Variants in SERBP1 observed in about 807,000 individuals in gnomAD.
SERBP1 encodes SERPINE1 mRNA binding protein 1, also known as SERPINE1 mRNA-binding protein 1.
In SERBP1, 6 loss-of-function variants were observed where a neutral mutation model predicts 50.2. The observed-to-expected ratio is 0.12, with a 90% CI of 0.07 to 0.24. The LOEUF is 0.24. Among genes scored for constraint, SERBP1 ranks in the 10% least tolerant of loss-of-function variants. The pLI is 1.00. For synonymous variants in SERBP1, 168 were observed against 182.8 expected, an observed-to-expected ratio of 0.92 and a Z score of 0.65; for missense variants, 346 against 524.9, an observed-to-expected ratio of 0.66 and a Z score of 3.33.
Position 67,425,146 on chromosome 1 carries a change from C to A in SERBP1, c.542G>T (p.Arg181Leu), listed in dbSNP as rs753926167. The A allele has an allele frequency of 1.6e-5, 26 of 1,611,690 alleles. No homozygotes were observed. The highest frequency in any genetic ancestry group is 1.9e-5 in the Non-Finnish European group (23 of 1,179,698). Residue 181 changes from arginine to leucine, a missense_variant, in exon 3 of 8, where the codon CGA becomes CTA. Around this residue, in one of 5 missense-constraint regions of SERBP1, gnomAD observed 257 missense variants for 331.2 expected, o/e 0.78. Transcript: ENST00000361219. ...GRGGRGRGMG[R>L]GDGFDSRGKR... ...GCCACGAGAATCAAATCCATCTCCTCGGCCCATTCCACGTCCACGGCCCCC... is the reference window on the plus strand; with the variant it reads ...GCCACGAGAATCAAATCCATCTCCTAGGCCCATTCCACGTCCACGGCCCCC...
intron 5 of SERBP1, 30 bp from the exon 6 acceptor site, chr1:67,420,216 G>C: frequency 6.7e-7 from 1 of 1,498,176 alleles, no homozygotes; most frequent in South Asian, 1.2e-5. Flanking sequence ...TTTTATACCT[G>C]GTAGAGAGCT....
intron 1 of SERBP1, among the ~76,000 whole-genome samples, chr1:67,427,694 C>T (rs570316827): frequency 6.6e-6 from 1 of 152,294 alleles, no homozygotes; most frequent in African/African-American, 2.4e-5. Context: ...GCCAAACACA[C>T]CCAAGTGAAC....
rs184566185 is a variant in SERBP1, at chr1:67,423,694, A to G, written c.773+506T>C. On this transcript the variant is annotated intron_variant, in intron 5 of 7. Transcript: ENST00000361219. Reference sequence around the variant, plus strand: ...CATTTAAAAACAGGCCAGTAATGCTATGTTCCAAATTCTACATTGGAAATA... The same window carrying G: ...CATTTAAAAACAGGCCAGTAATGCTGTGTTCCAAATTCTACATTGGAAATA... 2.6e-3 allele frequency among the ~76,000 whole-genome samples: 389 copies of G among 152,332 alleles called. 1 individual carries two copies. The highest frequency in any genetic ancestry group is 9.0e-3 in the African/African-American group (375 of 41,584).
At chr1:67,420,230 A>G (rs762814472) in intron 5 of SERBP1, 44 bp from the exon 6 acceptor site, 1 of 1,374,024 alleles carries the variant, frequency 7.3e-7, no homozygotes, top group Admixed American at 2.3e-5. Context: ...GAGAGCTGAT[A>G]TTACATAAAA....
At chr1:67,415,884 C>G (rs1448668279) in intron 6 of SERBP1, among the ~76,000 whole-genome samples, 1 of 152,100 alleles carries the variant, frequency 6.6e-6, no homozygotes, top group Non-Finnish European at 1.5e-5. Flanking sequence ...AATACACAAC[C>G]ACTACGTTTT....
intron 1 of SERBP1, among the ~76,000 whole-genome samples, chr1:67,427,076 T>C (rs950771034): frequency 1.3e-5 from 2 of 152,184 alleles, no homozygotes; most frequent in Non-Finnish European, 2.9e-5. Flanking sequence ...AGGAAACAGT[T>C]ACTTATTATG....
In SERBP1 at chr1:67,424,975, GAACT is replaced by G; in HGVS notation, c.606-2_607del. ...CTTCAGGCCACTGTAATGTGAAAAA[GAACT>G]AACAAAACTGAGTTAACATAATACT... On this transcript the variant is annotated splice_acceptor_variant and coding_sequence_variant, in exon 4 of 8. Coordinates refer to ENST00000361219, the MANE Select transcript of SERBP1 (RefSeq NM_001018069.2). LOFTEE classifies it high-confidence loss of function. The G allele has an allele frequency of 1.2e-6, 2 of 1,612,762 alleles. No individual in the cohort carries two copies. The highest frequency in any genetic ancestry group is 1.7e-6 in the Non-Finnish European group (2 of 1,179,750).
Position 67,430,122 on chromosome 1 carries a change from T to G in SERBP1, c.179A>C (p.Gln60Pro), listed in dbSNP as rs1185529043. The part of the protein sequence containing the change: ...GAKSAAQAAA[Q>P]TNSNAAGKQL... ...TTTGCCTGCCGCGTTGGAGTTGGTC[T>G]GGGCCGCGGCCTGAGCTGCGCTCTT... The change falls in exon 1 of 8, where the codon CAG (glutamine) becomes CCG (proline). Residue 60 changes from glutamine (Q) to proline (P), a missense_variant. Physicochemically the swap from Gln to Pro is moderately conservative, Grantham distance 76. This residue lies in a region of SERBP1 where 257 missense variants were observed against 331.2 expected (regional missense o/e 0.78). Transcript: ENST00000361219. 6.2e-7 allele frequency: 1 copy of G among 1,612,104 alleles called. No individual in the cohort carries two copies. The highest frequency in any genetic ancestry group is 1.7e-5 in the Admixed American group (1 of 60,024).
rs1666860785 is a variant in SERBP1 at position 67,412,030 on chromosome 1, G to C, written c.*1177C>G. On this transcript the variant is annotated 3_prime_UTR_variant, in exon 8 of 8. Coordinates refer to ENST00000361219, the MANE Select transcript of SERBP1 (RefSeq NM_001018069.2). Reference sequence around the variant, plus strand: ...AAATAATAGCAATCTAGGAAATTTAGAAACAGTAAAGGTTTTTGGTTTATA... The same window carrying C: ...AAATAATAGCAATCTAGGAAATTTACAAACAGTAAAGGTTTTTGGTTTATA... 1 of 152,602 alleles carries C rather than the reference G, an allele frequency of 6.6e-6. No homozygotes were observed. Among genetic ancestry groups the C allele is most frequent in the South Asian group, 2.1e-4 (1 of 4,832 alleles). 9.5% of individuals were successfully genotyped at this position (152,602 alleles called of 1,614,324 possible). A position where few individuals can be genotyped will look rare whatever the true frequency, so the allele number is the denominator to read the frequency against.
rs1666699165 is a variant in SERBP1 at position 67,408,286 on chromosome 1, TTATA to T, written c.*4917_*4920del. On this transcript the variant is annotated 3_prime_UTR_variant, in exon 8 of 8. Transcript: ENST00000361219. ...ATACAAAGTTACCACCAGGCATCTTTTATATATACTTTCTTGCATATACAAGTCT... is the reference window on the plus strand; with the variant it reads ...ATACAAAGTTACCACCAGGCATCTTTTATACTTTCTTGCATATACAAGTCT... 1 of 152,184 alleles carries T rather than the reference TTATA, an allele frequency of 6.6e-6. No homozygotes were observed. Among genetic ancestry groups the T allele is most frequent in the South Asian group, 2.1e-4 (1 of 4,832 alleles). The allele number at this position is 152,184 out of a possible 1,614,324, so 9.4% of individuals were successfully genotyped here. A position where few individuals can be genotyped will look rare whatever the true frequency, so the allele number is the denominator to read the frequency against.
At chr1:67,416,654 T>C (rs1159437456) in intron 6 of SERBP1, among the ~76,000 whole-genome samples, 1 of 152,198 alleles carries the variant, frequency 6.6e-6, no homozygotes, top group Non-Finnish European at 1.5e-5. Context: ...TGTTAATAAC[T>C]AGCCTTTAAA....
intron 1 of SERBP1, chr1:67,429,678 G>T (rs1437669759): frequency 7.4e-6 from 2 of 270,318 alleles, no homozygotes; most frequent in Non-Finnish European, 1.4e-5. Context: ...GGAATCCGGC[G>T]GGAAGGCAAC....
At chr1:67,419,621 T>C (rs1297136957) in intron 6 of SERBP1, 2 of 192,886 alleles carry the variant, frequency 1.0e-5, no homozygotes, top group African/African-American at 2.4e-5. Flanking sequence ...TTAAACCATA[T>C]GAAAATGTCA....
intron 6 of SERBP1, 60 bp downstream of exon 6, chr1:67,419,949 T>G: frequency 6.8e-7 from 1 of 1,479,152 alleles, no homozygotes; most frequent in South Asian, 1.2e-5. Flanking sequence ...AAAACAAAAA[T>G]TATAAATACA....
rs1242108090 is a variant in SERBP1, at chr1:67,410,536, A to G, written c.*2671T>C. 6.6e-6 allele frequency: 1 copy of G among 152,152 alleles called. No individual in the cohort carries two copies. The highest frequency in any genetic ancestry group is 6.5e-5 in the Admixed American group (1 of 15,274). 9.4% of individuals were successfully genotyped at this position (152,152 alleles called of 1,614,324 possible). On this transcript the variant is annotated 3_prime_UTR_variant, in exon 8 of 8. Transcript: ENST00000361219. ...GTCTTGCTTAACTCCACAGGTCTCA[A>G]AATAGCTAATAAAGAAACCATGTCT...
chr1:67,410,146 G>A lies in SERBP1; in HGVS notation c.*3061C>T, dbSNP rs531766466. The A allele has an allele frequency of 1.3e-5, 2 of 152,246 alleles. No homozygotes were observed. The highest frequency in any genetic ancestry group is 4.8e-5 in the African/African-American group (2 of 41,540). The allele number at this position is 152,246 out of a possible 1,614,324, so 9.4% of individuals were successfully genotyped here. ...TACCTCTAAGGTCAACATCAGTTAG[G>A]TTCTAGTAACTTCCTATTTCTCATT... On this transcript the variant is annotated 3_prime_UTR_variant, in exon 8 of 8. Coordinates refer to ENST00000361219, the MANE Select transcript of SERBP1 (RefSeq NM_001018069.2).
intron 7 of SERBP1, among the ~76,000 whole-genome samples, chr1:67,414,707 A>G (rs1666948163): frequency 6.6e-6 from 1 of 152,216 alleles, no homozygotes; most frequent in Admixed American, 6.5e-5. Flanking sequence ...CAACAATCCT[A>G]AGTGTCGTAA....
chr1:67,409,346 CCTATA>C lies in SERBP1; in HGVS notation c.*3856_*3860del, dbSNP rs1666743238. On this transcript the variant is annotated 3_prime_UTR_variant, in exon 8 of 8. Coordinates refer to ENST00000361219, the MANE Select transcript of SERBP1 (RefSeq NM_001018069.2). ...TCTGTGGGTTTTTTTTTTTTTTAAT[CCTATA>C]CAAGCCTAAAAACCATTCTTAACTC... 7.3e-6 allele frequency: 1 copy of C among 137,578 alleles called. No individual in the cohort carries two copies. The highest frequency in any genetic ancestry group is 1.6e-5 in the Non-Finnish European group (1 of 63,758). 8.5% of individuals were successfully genotyped at this position (137,578 alleles called of 1,614,324 possible).
chr1:67,418,752 CTG>C, intron 6 of SERBP1, among the ~76,000 whole-genome samples: 1 of 114,686 alleles, frequency 8.7e-6, no homozygotes. Context: ...GAGCCAGATT[CTG>C]TCTCAAAAAA....
Sources: allele counts gnomAD v4.1 joint callset (sites outside exome capture counted in the v4.1 genomes callset), GRCh38; gene constraint gnomAD v4.1.1; regional missense constraint gnomAD v4.1.1; transcripts MANE v1.5; gene names NCBI Gene and HGNC (gene_info 2026-07-23, HGNC 2026-07-21).